The following CEP85L variants were observed in gnomAD, a reference collection of about 807,000 sequenced individuals.
CEP85L encodes centrosomal protein of 85 kDa-like.
In CEP85L, 60 loss-of-function variants were observed where a neutral mutation model predicts 100.3. The ratio of observed to expected loss-of-function variants is 0.60; its 90% confidence interval spans 0.49 to 0.74. The LOEUF (loss-of-function observed/expected upper bound fraction) is 0.74, where lower values mean the gene tolerates loss of function less well. Among genes scored for constraint, CEP85L ranks in the 30% least tolerant of loss-of-function variants. CEP85L has a pLI of 0.00. For synonymous variants in CEP85L, 319 were observed against 322.7 expected (o/e 0.99, Z 0.12); for missense variants, 973 against 936.2 (o/e 1.04, Z -0.51).
chr6:118,688,536 G>C (rs2114297360), intron 1 of CEP85L, among the ~76,000 whole-genome samples: 1 of 152,166 alleles, frequency 6.6e-6, no homozygotes, highest in East Asian at 1.9e-4. Context: ...AAGTCAGTTT[G>C]ATCATGCAAT....
At chr6:118,509,945 C>CTGTGTATTAGA (rs1775873865) in intron 5 of CEP85L, among the ~76,000 whole-genome samples, 3 of 151,988 alleles carry the variant, frequency 2.0e-5, no homozygotes, top group Non-Finnish European at 4.4e-5. Context: ...TATCTGTGTT[C>CTGTGTATTAGA]CAATTAGACT....
intron 10 of CEP85L, among the ~76,000 whole-genome samples, chr6:118,472,595 T>A (rs1184945172): frequency 6.6e-6 from 1 of 152,206 alleles, no homozygotes; most frequent in African/African-American, 2.4e-5. Flanking sequence ...CGTTATTTTA[T>A]AAATACTTTT....
intron 5 of CEP85L, among the ~76,000 whole-genome samples, chr6:118,498,233 C>G (rs180992299): frequency 9.2e-4 from 140 of 152,222 alleles, no homozygotes; most frequent in African/African-American, 3.2e-3. Context: ...TTGGCTCATG[C>G]CTGTAATCCC....
intron 2 of CEP85L, among the ~76,000 whole-genome samples, chr6:118,623,489 C>T (rs1773583163): frequency 6.6e-6 from 1 of 152,178 alleles, no homozygotes; most frequent in African/African-American, 2.4e-5. Context: ...TACAATAACT[C>T]AAGGAATTTC....
rs116044704 is a variant in CEP85L, at chr6:118,701,267, C to A, written c.-28+8769G>T. 5.0e-3 allele frequency among the ~76,000 whole-genome samples: 768 copies of A among 152,248 alleles called. 5 individuals carry two copies. Among genetic ancestry groups the A allele is most frequent in the African/African-American group, 0.018 (736 of 41,534 alleles). ...TAGAGCTACTATTCGACCTAGTAAT[C>A]CCATTACAGGGTATATATCCGAAAT... On this transcript the variant is annotated intron_variant, in intron 1 of 13. Coordinates refer to the CEP85L transcript ENST00000368488.
At chr6:118,568,669 T>G (rs2115013611) in intron 2 of CEP85L, among the ~76,000 whole-genome samples, 1 of 152,300 alleles carries the variant, frequency 6.6e-6, no homozygotes, top group Admixed American at 6.5e-5. Flanking sequence ...TTAAGATGAC[T>G]GATTATTCTG....
At chr6:118,466,471 C>T (rs1015499334) in intron 12 of CEP85L, among the ~76,000 whole-genome samples, 10 of 152,050 alleles carry the variant, frequency 6.6e-5, no homozygotes, top group African/African-American at 2.4e-4. Flanking sequence ...CTGTGGGTAA[C>T]CTACCACTAT....
intron 2 of CEP85L, among the ~76,000 whole-genome samples, chr6:118,597,978 T>C (rs1351205570): frequency 6.6e-6 from 1 of 152,228 alleles, no homozygotes; most frequent in Admixed American, 6.5e-5. Context: ...TTATTGAGTT[T>C]TGAAGCCAAA....
chr6:118,472,795 A>G (rs1218615675), intron 10 of CEP85L, among the ~76,000 whole-genome samples: 1 of 152,188 alleles, frequency 6.6e-6, no homozygotes, highest in Non-Finnish European at 1.5e-5. Context: ...TAATTTGCAA[A>G]CACCTACAAC....
At chr6:118,633,211 T>TC in intron 1 of CEP85L, among the ~76,000 whole-genome samples, 1 of 151,696 alleles carries the variant, frequency 6.6e-6, no homozygotes, top group Middle Eastern at 3.4e-3. Context: ...GATTTGTCTT[T>TC]TTTTTTTTTT....
chr6:118,598,460 T>G (rs1163085950), intron 2 of CEP85L, among the ~76,000 whole-genome samples: 1 of 152,196 alleles, frequency 6.6e-6, no homozygotes, highest in Non-Finnish European at 1.5e-5. Flanking sequence ...GAGGTCATGC[T>G]GGTTCAGGGT....
chr6:118,621,428 C>T (rs940073508), intron 2 of CEP85L, among the ~76,000 whole-genome samples: 3 of 152,198 alleles, frequency 2.0e-5, no homozygotes, highest in Non-Finnish European at 2.9e-5. Flanking sequence ...GAGGATCCTA[C>T]AGACCACACA....
At chr6:118,537,636 C>T in intron 3 of CEP85L, 1 of 985,314 alleles carries the variant, frequency 1.0e-6, no homozygotes, top group African/African-American at 1.7e-5. Flanking sequence ...TGAAAAGTTG[C>T]CAAAATATGT....
rs1275145684 is a variant in CEP85L, at chr6:118,651,583, G to A, written c.-314C>T. ...AGGCTCCAGGCGAAGTTGCAGCTGC[G>A]GGTTCTCTCCGCCCCCTCCGCCGGC... is the stretch of plus-strand genomic sequence containing the variant. On this transcript the variant is annotated 5_prime_UTR_variant, in exon 1 of 13. Transcript: ENST00000368491. The A allele has an allele frequency of 1.8e-6, 2 of 1,139,522 alleles. No homozygotes were observed. Among genetic ancestry groups the A allele is most frequent in the African/African-American group, 1.6e-5 (1 of 61,832 alleles). 70.6% of individuals were successfully genotyped at this position (1,139,522 alleles called of 1,614,324 possible). A position where few individuals can be genotyped will look rare whatever the true frequency, so the allele number is the denominator to read the frequency against.
At chr6:118,558,666 G>A (rs201021531) in intron 3 of CEP85L, among the ~76,000 whole-genome samples, 1 of 118,082 alleles carries the variant, frequency 8.5e-6, no homozygotes, top group Non-Finnish European at 2.0e-5. Context: ...CACACAGAGA[G>A]AGAGAGAGAG....
intron 5 of CEP85L, among the ~76,000 whole-genome samples, chr6:118,503,758 C>A (rs1176695528): frequency 1.4e-4 from 20 of 144,312 alleles, no homozygotes; most frequent in African/African-American, 5.1e-4. Context: ...AGAAACTAGA[C>A]ACAGACCTTA....
At position 118,589,415 on chromosome 6, in the gene CEP85L, C is replaced by T. The variant is rs1270560848; in HGVS notation, c.233-23099G>A. The T allele has an allele frequency of 1.2e-5, 3 of 257,864 alleles. No homozygotes were observed. The Admixed American group carries it at 1.2e-4, about 10-fold the overall frequency. 16.0% of individuals were successfully genotyped at this position (257,864 alleles called of 1,614,324 possible). A position where few individuals can be genotyped will look rare whatever the true frequency, so the allele number is the denominator to read the frequency against. On this transcript the variant is annotated intron_variant, in intron 2 of 12. Coordinates refer to ENST00000368491, the MANE Select transcript of CEP85L (RefSeq NM_001042475.3). ...CTTTCCAAAGATGATGCCCAAGAAG[C>T]CAGCAGAGGAAGGAAATGATTTGAA...
rs1160383319 is a variant in CEP85L at position 118,502,368 on chromosome 6, G to A, written c.1257+8930C>T. The A allele has an allele frequency of 9.1e-6, 5 of 549,860 alleles. No individual in the cohort carries two copies. In the East Asian group the frequency reaches 1.9e-4, roughly 21 times the overall value. The allele number at this position is 549,860 out of a possible 1,614,324, so 34.1% of individuals were successfully genotyped here. On this transcript the variant is annotated intron_variant, in intron 5 of 12. Transcript: ENST00000368491. Reference sequence around the variant, plus strand: ...GGCCCCATGCCAAGATTACCCATATGTTAAGACAGATAGTTTGCTGGATGT... The same window carrying A: ...GGCCCCATGCCAAGATTACCCATATATTAAGACAGATAGTTTGCTGGATGT...
chr6:118,689,142 C>T (rs1334744564), intron 1 of CEP85L, among the ~76,000 whole-genome samples: 1 of 152,210 alleles, frequency 6.6e-6, no homozygotes, highest in East Asian at 1.9e-4. Flanking sequence ...CTCGCCACTA[C>T]ACACAATCTG....
Sources: gnomAD v4.1 joint callset for allele counts (sites outside exome capture counted in the v4.1 genomes callset) on GRCh38, gnomAD v4.1.1 for gene constraint, MANE v1.5 for transcripts, NCBI Gene and HGNC (gene_info 2026-07-23, HGNC 2026-07-21) for gene names.